DUSP11: variants seen among roughly 807,000 people sequenced by gnomAD.
DUSP11 encodes dual specificity phosphatase 11.
In DUSP11, 27 loss-of-function variants were observed where a neutral mutation model predicts 41.4. The observed-to-expected ratio is 0.65, with a 90% confidence interval of 0.48 to 0.90. The LOEUF (loss-of-function observed/expected upper bound fraction) is 0.90. DUSP11 is among the 40% of genes least tolerant of loss of function. The pLI is 0.00. For missense variants in DUSP11, 465 were observed against 461.1 expected (o/e 1.01, Z -0.08); for synonymous variants, 188 against 159.3 (o/e 1.18, Z -1.35).
chr2:73,762,841 T>G, exon 9 of DUSP11: 1 of 1,579,950 alleles, frequency 6.3e-7, no homozygotes, highest in Non-Finnish European at 8.6e-7. Context: ...GGTAAACATG[T>G]GGATTCTCTG....
intron 1 of DUSP11, among the ~76,000 whole-genome samples, chr2:73,778,815 A>G (rs1558536121): frequency 1.3e-5 from 2 of 152,304 alleles, no homozygotes; most frequent in African/African-American, 2.4e-5. Context: ...TTTTAAGAGA[A>G]AACCTGCTAG....
intron 3 of DUSP11, among the ~76,000 whole-genome samples, chr2:73,774,334 G>A (rs1444363970): frequency 6.6e-6 from 1 of 152,062 alleles, no homozygotes; most frequent in Non-Finnish European, 1.5e-5. Flanking sequence ...GGAATTCCAG[G>A]CACTATTGAG....
intron 2 of DUSP11, among the ~76,000 whole-genome samples, chr2:73,775,848 T>A (rs2103947261): frequency 1.2e-5 from 1 of 85,494 alleles, no homozygotes; most frequent in African/African-American, 5.1e-5. Context: ...AGTGACTCCA[T>A]CTCAAAAAAA....
In DUSP11 at chr2:73,762,861, T is replaced by G; in HGVS notation, c.936-2A>C. ...ACATGTGGATTCTCTGAAAATTTTCTTAAAGCAAAACAAAAAGTAATAAGC... is the reference window on the plus strand; with the variant it reads ...ACATGTGGATTCTCTGAAAATTTTCGTAAAGCAAAACAAAAAGTAATAAGC... On this transcript the variant is annotated splice_acceptor_variant, in intron 8 of 8. Transcript: ENST00000272444. LOFTEE classifies it high-confidence loss of function. The G allele has an allele frequency of 1.3e-6, 2 of 1,559,652 alleles. No homozygotes were observed. The highest frequency in any genetic ancestry group is 1.7e-6 in the Non-Finnish European group (2 of 1,150,840).
Position 73,765,701 on chromosome 2 carries a change from C to T in DUSP11, c.935+717G>A, listed in dbSNP as rs148619071. ...ATTTTCCAAGTGAAAATACTTTTGT[C>T]GTTTTATCTGTTCAGATCCTTTGCT... On this transcript the variant is annotated intron_variant, in intron 8 of 8. Transcript: ENST00000272444. Among the ~76,000 whole-genome samples the T allele has an allele frequency of 4.1e-3, 627 of 152,222 alleles. 7 individuals are homozygous for T. The highest frequency in any genetic ancestry group is 0.014 in the African/African-American group (586 of 41,546).
intron 8 of DUSP11, 93 bp downstream of exon 8, chr2:73,766,325 G>C: frequency 1.9e-6 from 2 of 1,060,036 alleles, no homozygotes; most frequent in Non-Finnish European, 2.6e-6. Context: ...AAAAAAAAAC[G>C]AAGAATTCCT....
intron 4 of DUSP11, 57 bp downstream of exon 4, chr2:73,773,743 A>T: frequency 2.0e-6 from 3 of 1,523,208 alleles, no homozygotes; most frequent in Non-Finnish European, 2.7e-6. Context: ...AAAATACCAA[A>T]AATCCCCAAC....
chr2:73,773,639 C>A (rs1401921505), intron 4 of DUSP11, 161 bp downstream of exon 4: 4 of 712,700 alleles, frequency 5.6e-6, no homozygotes, highest in Non-Finnish European at 9.0e-6. Context: ...TTGTGATCAA[C>A]AAAAGGAAAA....
At chr2:73,769,369 C>T (rs769068161) in intron 4 of DUSP11, 44 bp from the exon 5 acceptor site, 5 of 1,368,884 alleles carry the variant, frequency 3.7e-6, no homozygotes, top group Non-Finnish European at 5.2e-6. Context: ...AGTAGATACA[C>T]AAGTATATAA....
chr2:73,776,115 T>C (rs1419141558), intron 2 of DUSP11, among the ~76,000 whole-genome samples: 1 of 151,854 alleles, frequency 6.6e-6, no homozygotes, highest in African/African-American at 2.4e-5. Flanking sequence ...ATGTACTTTT[T>C]AAAAAATAGA....
At chr2:73,769,503 A>T (rs1021690145) in intron 4 of DUSP11, among the ~76,000 whole-genome samples, 178 bp from the exon 5 acceptor site, 3 of 152,236 alleles carry the variant, frequency 2.0e-5, no homozygotes, top group African/African-American at 7.2e-5. Flanking sequence ...GCATAGTCCC[A>T]ATTAGACTCA....
intron 4 of DUSP11, among the ~76,000 whole-genome samples, chr2:73,770,030 A>T (rs191504984): frequency 2.0e-5 from 3 of 152,334 alleles, no homozygotes; most frequent in African/African-American, 7.2e-5. Context: ...ATGACTAGGT[A>T]GTGTCTGGTA....
intron 2 of DUSP11, among the ~76,000 whole-genome samples, chr2:73,775,531 A>G (rs1034916655): frequency 7.3e-6 from 1 of 136,516 alleles, no homozygotes; most frequent in East Asian, 2.2e-4. Context: ...GGCATGAACC[A>G]CCACACCTGG....
intron 4 of DUSP11, chr2:73,773,443 T>A (rs978126891): frequency 2.7e-6 from 1 of 369,348 alleles, no homozygotes; most frequent in South Asian, 2.1e-5. Flanking sequence ...TTCTTGTCTC[T>A]TTCACATAAC....
chr2:73,775,582 G>A (rs1365110750), intron 2 of DUSP11, among the ~76,000 whole-genome samples: 3 of 148,046 alleles, frequency 2.0e-5, no homozygotes, highest in Admixed American at 6.8e-5. Flanking sequence ...TCAGCTGGGC[G>A]CAGTGGTTCA....
intron 4 of DUSP11, among the ~76,000 whole-genome samples, chr2:73,771,525 G>A (rs955500130): frequency 7.9e-5 from 12 of 151,076 alleles, no homozygotes; most frequent in African/African-American, 2.4e-4. Flanking sequence ...ATGGAGTCTC[G>A]CTCTGTCGCC....
chr2:73,775,949 G>A (rs1429513567), intron 2 of DUSP11, among the ~76,000 whole-genome samples: 1 of 147,964 alleles, frequency 6.8e-6, no homozygotes, highest in Non-Finnish European at 1.5e-5. Flanking sequence ...CTGAGCTCAA[G>A]CAACCCTCCT....
Position 73,777,443 on chromosome 2 carries a change from T to A in DUSP11, c.318+858A>T, listed in dbSNP as rs187850609. 1.1e-3 allele frequency among the ~76,000 whole-genome samples: 172 copies of A among 152,362 alleles called. 1 individual carries two copies. The highest frequency in any genetic ancestry group is 3.5e-3 in the African/African-American group (146 of 41,598). On this transcript the variant is annotated intron_variant, in intron 2 of 8. Transcript: ENST00000272444. ...CTGGGGAAGTCTAATAAGAAAGACATGGAATCTAGAAAACAATTATTTGTC... is the reference window on the plus strand; with the variant it reads ...CTGGGGAAGTCTAATAAGAAAGACAAGGAATCTAGAAAACAATTATTTGTC...
chr2:73,775,066 G>C, intron 2 of DUSP11, 22 bp from the exon 3 acceptor site: 1 of 1,600,818 alleles, frequency 6.2e-7, no homozygotes, highest in East Asian at 2.2e-5. Flanking sequence ...AATGAAATAA[G>C]AGCAAATATG....
Sources: allele counts gnomAD v4.1 joint callset (sites outside exome capture counted in the v4.1 genomes callset), GRCh38; gene constraint gnomAD v4.1.1; transcripts MANE v1.5; gene names NCBI Gene and HGNC (gene_info 2026-07-23, HGNC 2026-07-21).